PCDHGA4: variants seen among roughly 807,000 people sequenced by gnomAD.
PCDHGA4 encodes the protein protocadherin gamma subfamily A, 4.
Under a neutral mutation model 54.6 loss-of-function variants are expected in PCDHGA4, and 38 were observed. That is an observed-to-expected ratio of 0.70 (90% CI 0.54 to 0.91). The LOEUF is 0.91. Ranked by LOEUF, PCDHGA4 falls within the 40% of genes least tolerant of loss-of-function variation. The pLI, the probability that PCDHGA4 is intolerant of heterozygous loss-of-function variation, is 0.00. For missense variants in PCDHGA4, 1,298 were observed against 1,220.9 expected (o/e 1.06, Z -0.94); for synonymous variants, 511 against 512.9 (o/e 1.00, Z 0.05).
intron 1 of PCDHGA4, chr5:141,383,337 A>G (rs1185721914): frequency 6.2e-7 from 1 of 1,614,066 alleles, no homozygotes; most frequent in East Asian, 2.2e-5. Flanking sequence ...TGGAGAATAC[A>G]GCTCCTGGGG....
chr5:141,365,976 G>T, intron 1 of PCDHGA4: 1 of 1,614,232 alleles, frequency 6.2e-7, no homozygotes, highest in Non-Finnish European at 8.5e-7. Context: ...GTGTCGCTGA[G>T]CCTGTTTGTG....
chr5:141,486,409 C>G lies in PCDHGA4; in HGVS notation c.2515-8398C>G, dbSNP rs1396288134. On this transcript the variant is annotated intron_variant, in intron 1 of 3. Coordinates refer to ENST00000571252, the MANE Select transcript of PCDHGA4 (RefSeq NM_018917.4). The surrounding 1 kb of genome is among the most constrained non-coding windows in gnomAD (Gnocchi z 5.0). Reference sequence around the variant, plus strand: ...AGTTCTCCCTGGTGACTGCTGGACCCTTGGATCGAGAGGCCAAATCTAGCT... The same window carrying G: ...AGTTCTCCCTGGTGACTGCTGGACCGTTGGATCGAGAGGCCAAATCTAGCT... 6.2e-7 allele frequency: 1 copy of G among 1,614,170 alleles called. No individual in the cohort carries two copies. Among genetic ancestry groups the G allele is most frequent in the East Asian group, 2.2e-5 (1 of 44,874 alleles).
intron 1 of PCDHGA4, among the ~76,000 whole-genome samples, chr5:141,435,011 A>G (rs2097737147): frequency 6.6e-6 from 1 of 152,126 alleles, no homozygotes; most frequent in African/African-American, 2.4e-5. Flanking sequence ...TTTATCAATG[A>G]TAATGCTCTT....
At chr5:141,409,317 G>A in intron 1 of PCDHGA4, 2 of 1,613,940 alleles carry the variant, frequency 1.2e-6, no homozygotes, top group Non-Finnish European at 1.7e-6. Flanking sequence ...TTCAAAACAC[G>A]GGATCTGGAT....
chr5:141,448,912 T>C (rs1195715286), intron 1 of PCDHGA4, among the ~76,000 whole-genome samples: 1 of 152,152 alleles, frequency 6.6e-6, no homozygotes, highest in Non-Finnish European at 1.5e-5. Flanking sequence ...GCCACTGCAC[T>C]CCAGCCTGGG....
chr5:141,505,298 T>C, intron 2 of PCDHGA4, 95 bp from the exon 3 acceptor site: 1 of 1,586,334 alleles, frequency 6.3e-7, no homozygotes, highest in Non-Finnish European at 8.6e-7. Flanking sequence ...GGGGTAGGGT[T>C]AGGGTACTAG....
chr5:141,400,363 T>C (rs1271706599), intron 1 of PCDHGA4: 1 of 1,613,958 alleles, frequency 6.2e-7, no homozygotes, highest in Non-Finnish European at 8.5e-7. Flanking sequence ...GACTTTGCCT[T>C]ATTCCTACAA....
At chr5:141,382,571 A>G (rs1016420360) in intron 1 of PCDHGA4, among the ~76,000 whole-genome samples, 2 of 152,244 alleles carry the variant, frequency 1.3e-5, no homozygotes, top group Admixed American at 6.5e-5. Flanking sequence ...AAGAAATCTA[A>G]CAGGGAAATT....
At chr5:141,384,440 T>C (rs766102464) in intron 1 of PCDHGA4, 6 of 1,614,046 alleles carry the variant, frequency 3.7e-6, no homozygotes, top group Non-Finnish European at 4.2e-6. Context: ...ACTGGAGTCC[T>C]GTACGCGCTG....
intron 1 of PCDHGA4, chr5:141,478,808 T>A: frequency 3.4e-6 from 5 of 1,459,124 alleles, no homozygotes; most frequent in Non-Finnish European, 4.5e-6. Context: ...TCTTTTGCTA[T>A]CACAACTAAC....
intron 1 of PCDHGA4, chr5:141,360,591 T>A: frequency 6.2e-7 from 1 of 1,613,982 alleles, no homozygotes; most frequent in African/African-American, 1.3e-5. Flanking sequence ...GTACAACATT[T>A]CCACTTGACC....
intron 1 of PCDHGA4, chr5:141,362,082 A>G: frequency 1.2e-6 from 2 of 1,612,988 alleles, no homozygotes; most frequent in Non-Finnish European, 1.7e-6. Context: ...TGCGTGATGG[A>G]GGACAGCCGC....
chr5:141,432,069 A>T lies in PCDHGA4; in HGVS notation c.2515-62738A>T. ...ACCCCGCCCCTATCCACGGAAACTC[A>T]TATCTCGCTGAACGTGGCAGACACC... is the stretch of plus-strand genomic sequence containing the variant. On this transcript the variant is annotated intron_variant, in intron 1 of 3. Coordinates refer to ENST00000571252, the MANE Select transcript of PCDHGA4 (RefSeq NM_018917.4). This position sits in a 1 kb window ranked among gnomAD's most constrained non-coding sequence, Gnocchi z 6.0. The T allele has an allele frequency of 6.2e-7, 1 of 1,614,168 alleles. No homozygotes were observed. The highest frequency in any genetic ancestry group is 8.5e-7 in the Non-Finnish European group (1 of 1,180,038).
chr5:141,381,177 C>T (rs935775632), intron 1 of PCDHGA4, among the ~76,000 whole-genome samples: 3 of 152,214 alleles, frequency 2.0e-5, no homozygotes, highest in Admixed American at 6.5e-5. Context: ...TCCCACAAAA[C>T]GAAGTTAAGC....
chr5:141,427,658 C>A, intron 1 of PCDHGA4: 2 of 738,894 alleles, frequency 2.7e-6, no homozygotes, highest in Non-Finnish European at 4.8e-6. Context: ...ACGTGGTCCA[C>A]GTGGCCGAAA....
In PCDHGA4 at chr5:141,356,132, A is replaced by G. The variant is rs1760120459; in HGVS notation, c.1025A>G (p.Asp342Gly). The change falls in exon 1 of 4, where the codon GAC becomes GGC. Residue 342 changes from aspartate (D) to glycine (G), a missense_variant. By Grantham distance (94) the Asp-to-Gly change is moderately conservative. Transcript: ENST00000571252. ...ATATTGGGGGGTCTAGATTATGAGG[A>G]CTCTGGATTCTATGACATAGATGTA... ...ITILGGLDYE[D>G]SGFYDIDVEA... 1 of 1,613,458 alleles carries G rather than the reference A, an allele frequency of 6.2e-7. No individual in the cohort carries two copies. The highest frequency in any genetic ancestry group is 8.5e-7 in the Non-Finnish European group (1 of 1,179,782).
At chr5:141,389,969 C>CTTGA (rs746625491) in intron 1 of PCDHGA4, 8 of 1,613,924 alleles carry the variant, frequency 5.0e-6, no homozygotes, top group Non-Finnish European at 6.8e-6. Flanking sequence ...TGGCCTTGGC[C>CTTGA]TTGATCTCAG....
chr5:141,414,318 G>A (rs1212643655), intron 1 of PCDHGA4: 1 of 1,613,772 alleles, frequency 6.2e-7, no homozygotes, highest in Non-Finnish European at 8.5e-7. Context: ...TAGACTCTGA[G>A]CAGAATGGAC....
Position 141,487,845 on chromosome 5 carries a change from A to C in PCDHGA4, c.2515-6962A>C, listed in dbSNP as rs2099667978. ...GGGTCATGCCTATATCTGAGTAAGA[A>C]ATGAAAGTAATTGGTGATCAAGAGC... On this transcript the variant is annotated intron_variant, in intron 1 of 3. Coordinates refer to ENST00000571252, the MANE Select transcript of PCDHGA4 (RefSeq NM_018917.4). The surrounding 1 kb of genome is among the most constrained non-coding windows in gnomAD (Gnocchi z 5.0). 2.9e-6 allele frequency: 3 copies of C among 1,027,382 alleles called. No homozygotes were observed. Among genetic ancestry groups the C allele is most frequent in the Non-Finnish European group, 4.2e-6 (3 of 716,452 alleles). The allele number at this position is 1,027,382 out of a possible 1,614,324, so 63.6% of individuals were successfully genotyped here.
Sources: allele counts gnomAD v4.1 joint callset (sites outside exome capture counted in the v4.1 genomes callset), GRCh38; gene constraint gnomAD v4.1.1; non-coding constraint Gnocchi (gnomAD v3.1); transcripts MANE v1.5; gene names NCBI Gene and HGNC (gene_info 2026-07-23, HGNC 2026-07-21).